CELSR1: variants seen among roughly 807,000 people sequenced by gnomAD.
CELSR1 encodes adhesion G protein-coupled receptor C1.
In CELSR1, 110 loss-of-function variants were observed where a neutral mutation model predicts 249.1. That is an observed-to-expected ratio of 0.44 (90% confidence interval 0.38 to 0.52). The LOEUF (loss-of-function observed/expected upper bound fraction) is 0.52. CELSR1 is among the 20% of genes least tolerant of loss of function. The pLI is 0.00. For synonymous variants in CELSR1, 2,113 were observed against 1,900.0 expected, an observed-to-expected ratio of 1.11 and a Z score of -2.92; for missense variants, 4,109 against 4,296.4, an observed-to-expected ratio of 0.96 and a Z score of 1.22.
rs2080354204 is a variant in CELSR1 at position 46,490,155 on chromosome 22, A to G, written c.3545-25810T>C. On this transcript the variant is annotated intron_variant, in intron 1 of 34. Transcript: ENST00000674500. The surrounding 1 kb of genome is among the most constrained non-coding windows in gnomAD (Gnocchi z 5.2). ...GACATGGCACTTCTACCTGGAGTGC[A>G]TGGGTCCTGCTCTCCTCCAGCCATA... Among the ~76,000 whole-genome samples the G allele has an allele frequency of 6.6e-6, 1 of 152,202 alleles. No individual in the cohort carries two copies. Among genetic ancestry groups the G allele is most frequent in the Non-Finnish European group, 1.5e-5 (1 of 68,032 alleles).
Position 46,369,173 on chromosome 22 carries a change from A to G in CELSR1, c.7952+6T>C. The G allele has an allele frequency of 6.2e-7, 1 of 1,613,730 alleles. No individual in the cohort carries two copies. Among genetic ancestry groups the G allele is most frequent in the Non-Finnish European group, 8.5e-7 (1 of 1,179,722 alleles). ...TGGCTGGCCGGTCAGGTTCAGCCCC[A>G]CTTACACGATCCCTTTTTTCCCATA... On this transcript the variant is annotated splice_donor_region_variant and intron_variant, in intron 27 of 34. Transcript: ENST00000674500.
chr22:46,420,421 C>A (rs1443654649), intron 5 of CELSR1, among the ~76,000 whole-genome samples: 1 of 152,138 alleles, frequency 6.6e-6, no homozygotes, highest in African/African-American at 2.4e-5. Flanking sequence ...CTTCTTCACA[C>A]ACGTGCACAC....
chr22:46,409,974 A>T lies in CELSR1; in HGVS notation c.4934-94T>A. On this transcript the variant is annotated intron_variant, in intron 7 of 34. Coordinates refer to ENST00000674500, the MANE Select transcript of CELSR1 (RefSeq NM_001378328.1). The surrounding 1 kb of genome is among the most constrained non-coding windows in gnomAD (Gnocchi z 9.8). ...GGCGTGGGAAACCAGGACGGAATGGACCCGGGGCTGGACAGAAGTCAGACC... is the reference window on the plus strand; with the variant it reads ...GGCGTGGGAAACCAGGACGGAATGGTCCCGGGGCTGGACAGAAGTCAGACC... 2 of 1,540,512 alleles carry T rather than the reference A, an allele frequency of 1.3e-6. No individual in the cohort carries two copies. Among genetic ancestry groups the T allele is most frequent in the Non-Finnish European group, 1.8e-6 (2 of 1,134,208 alleles).
At position 46,464,446 on chromosome 22, in the gene CELSR1, GAA is replaced by G; in HGVS notation, c.3545-103_3545-102del. The G allele has an allele frequency of 7.7e-7, 1 of 1,299,454 alleles. No individual in the cohort carries two copies. Among genetic ancestry groups the G allele is most frequent in the Non-Finnish European group, 1.1e-6 (1 of 949,610 alleles). The allele number at this position is 1,299,454 out of a possible 1,614,324, so 80.5% of individuals were successfully genotyped here. The stretch of plus-strand genomic sequence containing the variant: ...AGCCTCAGGCATGCTTGGCAAAGGA[GAA>G]GAGAGCCTGGGCATCCCCACTCCCC... On this transcript the variant is annotated intron_variant, in intron 1 of 34. Coordinates refer to ENST00000674500, the MANE Select transcript of CELSR1 (RefSeq NM_001378328.1). The surrounding 1 kb of genome is among the most constrained non-coding windows in gnomAD (Gnocchi z 8.5).
Position 46,447,945 on chromosome 22 carries a change from A to T in CELSR1, c.4184-8534T>A, listed in dbSNP as rs1269320515. On this transcript the variant is annotated intron_variant, in intron 2 of 34. Transcript: ENST00000674500. This position sits in a 1 kb window ranked among gnomAD's most constrained non-coding sequence, Gnocchi z 4.7. ...AGAAAAGCATTCTTAACGGCAAAAGAAAAGCTCCCAGGAGCCAAGGCCCAT... is the reference window on the plus strand; with the variant it reads ...AGAAAAGCATTCTTAACGGCAAAAGTAAAGCTCCCAGGAGCCAAGGCCCAT... Among the ~76,000 whole-genome samples the T allele has an allele frequency of 6.6e-6, 1 of 152,216 alleles. No homozygotes were observed. Among genetic ancestry groups the T allele is most frequent in the African/African-American group, 2.4e-5 (1 of 41,468 alleles).
rs565536630 is a variant in CELSR1 at position 46,413,453 on chromosome 22, C to T, written c.4612-1694G>A. On this transcript the variant is annotated intron_variant, in intron 5 of 34. Transcript: ENST00000674500. The surrounding 1 kb of genome is among the most constrained non-coding windows in gnomAD (Gnocchi z 4.7). ...TCCAATCATCTAACGTGAGTGAGAC[C>T]CATGACTGTACCTCAATTTCTTTTT... Among the ~76,000 whole-genome samples the T allele has an allele frequency of 6.6e-6, 1 of 152,310 alleles. No homozygotes were observed. Among genetic ancestry groups the T allele is most frequent in the South Asian group, 2.1e-4 (1 of 4,818 alleles).
chr22:46,369,202 A>C lies in CELSR1; in HGVS notation c.7929T>G (p.His2643Gln). 1 of 1,614,070 alleles carries C rather than the reference A, an allele frequency of 6.2e-7. No individual in the cohort carries two copies. Among genetic ancestry groups the C allele is most frequent in the Non-Finnish European group, 8.5e-7 (1 of 1,179,970 alleles). Residue 2643 changes from histidine to glutamine, a missense_variant, in exon 27 of 35, where the codon CAT (histidine) becomes CAG (glutamine). His to Gln is a conservative substitution (Grantham distance 24). This residue lies in a region of CELSR1 where 1,805 missense variants were observed against 1,831.6 expected (regional missense o/e 0.99). Transcript: ENST00000674500. ...ACACGATCCCTTTTTTCCCATAATA[A>C]TGGTGCTTTCTTTGGCAGGAAACCT... ...SAKVSCQRKH[H>Q]YYGKKGIVSL...
Position 46,361,546 on chromosome 22 carries a change from GT to G in CELSR1, c.*1676del, listed in dbSNP as rs572242113. The G allele has an allele frequency of 6.6e-6, 1 of 152,228 alleles. No homozygotes were observed. The highest frequency in any genetic ancestry group is 2.4e-5 in the African/African-American group (1 of 41,454). The allele number at this position is 152,228 out of a possible 1,614,324, so 9.4% of individuals were successfully genotyped here. A position where few individuals can be genotyped will look rare whatever the true frequency, so the allele number is the denominator to read the frequency against. ...GGGGCAAACGTTTAAAGGGACTAGAGTTTTTTATCTTCGAAAGACCACTCAC... is the reference window on the plus strand; with the variant it reads ...GGGGCAAACGTTTAAAGGGACTAGAGTTTTTATCTTCGAAAGACCACTCAC... On this transcript the variant is annotated 3_prime_UTR_variant, in exon 35 of 35. Transcript: ENST00000674500.
chr22:46,386,089 C>A (rs2079030561), intron 19 of CELSR1, among the ~76,000 whole-genome samples: 1 of 152,018 alleles, frequency 6.6e-6, no homozygotes, highest in African/African-American at 2.4e-5. Context: ...CCTTCCTCAG[C>A]CTCCTGAGTA....
rs1195371075 is a variant in CELSR1, at chr22:46,397,842, T to C, written c.5533A>G (p.Arg1845Gly). Residue 1845 changes from arginine (R) to glycine (G), a missense_variant, in exon 12 of 35, where the codon AGG (arginine) becomes GGG (glycine). This residue lies in a region of CELSR1 where 1,805 missense variants were observed against 1,831.6 expected (regional missense o/e 0.99). Transcript: ENST00000674500. ...ACGTTGGTGGGCGTCCCCCCCATCC[T>C]CACTCCCTGCATTAAGTAAACGGCA... is the stretch of plus-strand genomic sequence containing the variant. ...RGFRGCMQGV[R>G]MGGTPTNVAT... 1.3e-6 allele frequency: 2 copies of C among 1,566,640 alleles called. No homozygotes were observed. Among genetic ancestry groups the C allele is most frequent in the Non-Finnish European group, 1.7e-6 (2 of 1,153,918 alleles).
rs953345385 is a variant in CELSR1 at position 46,436,228 on chromosome 22, C to T, written c.4468G>A (p.Asp1490Asn). Reference sequence around the variant, plus strand: ...TCCACGATCTCCAGGGCGATGAAGTCGTGCTTCTCATTGAAGCGGCCGTTG... The same window carrying T: ...TCCACGATCTCCAGGGCGATGAAGTTGTGCTTCTCATTGAAGCGGCCGTTG... ...LYNGRFNEKHDFIALEIVDEQ... is the reference protein window; with the variant it reads ...LYNGRFNEKHNFIALEIVDEQ... Residue 1490 changes from aspartate (D) to asparagine (N), a missense_variant, in exon 4 of 35, where the codon GAC becomes AAC. By Grantham distance (23) the Asp-to-Asn change is conservative. This residue lies in a region of CELSR1 where 453 missense variants were observed against 492.0 expected (regional missense o/e 0.92). Transcript: ENST00000674500. The surrounding 1 kb of genome is among the most constrained non-coding windows in gnomAD (Gnocchi z 5.9). 1 of 1,614,098 alleles carries T rather than the reference C, an allele frequency of 6.2e-7. No individual in the cohort carries two copies. Among genetic ancestry groups the T allele is most frequent in the Admixed American group, 1.7e-5 (1 of 60,016 alleles).
At chr22:46,438,433 G>C (rs1309787001) in intron 3 of CELSR1, among the ~76,000 whole-genome samples, 1 of 152,152 alleles carries the variant, frequency 6.6e-6, no homozygotes, top group Non-Finnish European at 1.5e-5. Context: ...TGCTCCCAAA[G>C]TGTCACTGCC....
In CELSR1 at chr22:46,534,318, G is replaced by A; in HGVS notation, c.2853C>T (p.Arg951=). 3.7e-6 allele frequency: 6 copies of A among 1,613,112 alleles called. No individual in the cohort carries two copies. The highest frequency in any genetic ancestry group is 5.1e-6 in the Non-Finnish European group (6 of 1,180,030). Residue 951 remains arginine, a synonymous_variant, in exon 1 of 35, where the codon CGC becomes CGT. Coordinates refer to ENST00000674500, the MANE Select transcript of CELSR1 (RefSeq NM_001378328.1). This position sits in a 1 kb window ranked among gnomAD's most constrained non-coding sequence, Gnocchi z 9.7. The part of the protein sequence containing the change: ...FYIEPTSGVI[R]TQRRLDRENV... The stretch of plus-strand genomic sequence containing the variant: ...TCTCCCGGTCCAGCCGGCGCTGGGT[G>A]CGAATCACACCGGACGTGGGCTCGA...
intron 1 of CELSR1, among the ~76,000 whole-genome samples, chr22:46,466,079 C>T (rs1420789797): frequency 6.6e-6 from 1 of 152,232 alleles, no homozygotes; most frequent in Non-Finnish European, 1.5e-5. Context: ...GCAACTCCCA[C>T]AGAGCACCTC....
At chr22:46,458,161 C>T (rs968975705) in intron 2 of CELSR1, among the ~76,000 whole-genome samples, 12 of 152,004 alleles carry the variant, frequency 7.9e-5, no homozygotes, top group Non-Finnish European at 1.5e-4. Flanking sequence ...GGGGAAGGTG[C>T]GCTGGAGGGG....
rs1352836884 is a variant in CELSR1, at chr22:46,440,403, G to A, written c.4184-992C>T. Reference sequence around the variant, plus strand: ...TTTAGTAGAGACGGGGATTCACCGTGTTAGCCAGGATGGTCTCCATCTCCT... The same window carrying A: ...TTTAGTAGAGACGGGGATTCACCGTATTAGCCAGGATGGTCTCCATCTCCT... On this transcript the variant is annotated intron_variant, in intron 2 of 34. Transcript: ENST00000674500. The surrounding 1 kb of genome is among the most constrained non-coding windows in gnomAD (Gnocchi z 4.7). Among the ~76,000 whole-genome samples, 1 of 152,206 alleles carries A rather than the reference G, an allele frequency of 6.6e-6. No individual in the cohort carries two copies. The highest frequency in any genetic ancestry group is 1.9e-4 in the East Asian group (1 of 5,184).
intron 1 of CELSR1, among the ~76,000 whole-genome samples, chr22:46,467,685 G>A (rs1185212323): frequency 2.0e-5 from 3 of 151,862 alleles, no homozygotes; most frequent in African/African-American, 7.3e-5. Context: ...AGCCAGGCAT[G>A]GTGGCAGGCG....
intron 1 of CELSR1, among the ~76,000 whole-genome samples, chr22:46,515,683 C>A (rs2080619584): frequency 6.6e-6 from 1 of 152,174 alleles, no homozygotes; most frequent in Non-Finnish European, 1.5e-5. Context: ...GCTGGGGGAT[C>A]AGGGGATGAC....
chr22:46,414,783 C>T (rs1427027083), intron 5 of CELSR1, among the ~76,000 whole-genome samples: 3 of 152,186 alleles, frequency 2.0e-5, no homozygotes, highest in East Asian at 1.9e-4. Context: ...CAGCCCCAGG[C>T]GTGTACCCAA....
Sources: gnomAD v4.1 joint callset for allele counts (sites outside exome capture counted in the v4.1 genomes callset) on GRCh38, gnomAD v4.1.1 for gene constraint, gnomAD v4.1.1 regional missense constraint, Gnocchi (gnomAD v3.1) non-coding constraint, MANE v1.5 for transcripts, NCBI Gene and HGNC (gene_info 2026-07-23, HGNC 2026-07-21) for gene names.